The following SH2B1 variants were observed in gnomAD, a reference collection of about 807,000 sequenced individuals.
SH2B1 encodes the protein SH2B adapter protein 1.
In SH2B1, 15 loss-of-function variants were observed where a neutral mutation model predicts 62.6. The observed-to-expected ratio is 0.24, with a 90% confidence interval of 0.16 to 0.37. The LOEUF (loss-of-function observed/expected upper bound fraction) is 0.37. Among genes scored for constraint, SH2B1 ranks in the 10% least tolerant of loss-of-function variants. The pLI is 1.00. For missense variants in SH2B1, 925 were observed against 1,015.6 expected (o/e 0.91, Z 1.21); for synonymous variants, 443 against 438.0 (o/e 1.01, Z -0.14).
rs374398151 is a variant in SH2B1, at chr16:28,851,368, T to C, written c.-301+4541T>C. ...TTTACTATGTCCTCTGTCAACACTG[T>C]GGTTCAATTGGGATCATCTCTCATC... is the stretch of plus-strand genomic sequence containing the variant. On this transcript the variant is annotated intron_variant, in intron 1 of 10. Coordinates refer to the SH2B1 transcript ENST00000322610. Among the ~76,000 whole-genome samples the C allele has an allele frequency of 2.1e-4, 32 of 151,954 alleles. No homozygotes were observed. In the South Asian group the frequency reaches 6.0e-3, roughly 29 times the overall value.
intron 4 of SH2B1, among the ~76,000 whole-genome samples, chr16:28,871,260 C>T (rs1395298519): frequency 3.3e-5 from 5 of 152,162 alleles, no homozygotes; most frequent in Non-Finnish European, 5.9e-5. Context: ...TCAAGTGATC[C>T]TCCTGCCTCA....
Position 28,866,992 on chromosome 16 carries a change from G to A in SH2B1, c.898G>A (p.Gly300Arg). 2 of 1,602,782 alleles carry A rather than the reference G, an allele frequency of 1.2e-6. No individual in the cohort carries two copies. Among genetic ancestry groups the A allele is most frequent in the East Asian group, 2.2e-5 (1 of 44,868 alleles). The change falls in exon 1 of 8, where the codon GGA becomes AGA. Residue 300 changes from glycine (G) to arginine (R), a missense_variant. Around this residue, in one of 3 missense-constraint regions of SH2B1, gnomAD observed 683 missense variants for 704.0 expected, o/e 0.97. Coordinates refer to ENST00000684370, the MANE Select transcript of SH2B1 (RefSeq NM_001387430.1). The surrounding 1 kb of genome is among the most constrained non-coding windows in gnomAD (Gnocchi z 6.3). ...CCTGCTGCTTCGAAGTGAAGGAGAA[G>A]GAGGAGGAGGAAGTCGCCTGGAGTT... The part of the protein sequence containing the change: ...CRLLLRSEGE[G>R]GGGSRLEFFV...
intron 2 of SH2B1, among the ~76,000 whole-genome samples, chr16:28,868,431 C>T (rs1395597982): frequency 3.3e-5 from 5 of 151,330 alleles, no homozygotes; most frequent in Non-Finnish European, 4.4e-5. Context: ...TGAGCCACTG[C>T]GCCTGGCCTA....
Position 28,864,151 on chromosome 16 carries a change from G to T in SH2B1, c.-1944G>T, listed in dbSNP as rs1962555803. 8 of 1,168,648 alleles carry T rather than the reference G, an allele frequency of 6.8e-6. No individual in the cohort carries two copies. Among genetic ancestry groups the T allele is most frequent in the Non-Finnish European group, 8.5e-6 (8 of 940,126 alleles). The allele number at this position is 1,168,648 out of a possible 1,614,324, so 72.4% of individuals were successfully genotyped here. A position where few individuals can be genotyped will look rare whatever the true frequency, so the allele number is the denominator to read the frequency against. On this transcript the variant is annotated 5_prime_UTR_variant, in exon 1 of 8. Transcript: ENST00000684370. Reference sequence around the variant, plus strand: ...TGGGCGGCTGGGGGGTGTCCAGGGAGTAGGGTCGGATCGGAGTATATGGAC... The same window carrying T: ...TGGGCGGCTGGGGGGTGTCCAGGGATTAGGGTCGGATCGGAGTATATGGAC...
intron 2 of SH2B1, among the ~76,000 whole-genome samples, chr16:28,867,647 G>GT (rs912259310): frequency 6.6e-6 from 1 of 152,204 alleles, no homozygotes; most frequent in Non-Finnish European, 1.5e-5. Flanking sequence ...GAACTGTGGA[G>GT]TTTTTGTTGT....
At chr16:28,853,931 G>A (rs2152159895) in intron 1 of SH2B1, among the ~76,000 whole-genome samples, 1 of 147,376 alleles carries the variant, frequency 6.8e-6, no homozygotes, top group Non-Finnish European at 1.5e-5. Flanking sequence ...AAACCCGGGA[G>A]GTGGAGCTTG....
intron 1 of SH2B1, among the ~76,000 whole-genome samples, chr16:28,857,194 G>T (rs1263722313): frequency 6.6e-6 from 1 of 151,764 alleles, no homozygotes; most frequent in Non-Finnish European, 1.5e-5. Flanking sequence ...AAGGCAGGAG[G>T]ATTGCTTGAA....
chr16:28,868,689 C>G (rs1278083509), intron 2 of SH2B1, among the ~76,000 whole-genome samples: 2 of 152,142 alleles, frequency 1.3e-5, no homozygotes. Context: ...AACTCTTGAC[C>G]TTGTGATCCA....
chr16:28,865,905 C>T lies in SH2B1; in HGVS notation c.-190C>T, dbSNP rs1039236396. 78 of 1,400,070 alleles carry T rather than the reference C, an allele frequency of 5.6e-5. No homozygotes were observed. The highest frequency in any genetic ancestry group is 6.8e-5 in the Non-Finnish European group (74 of 1,082,832). The allele number at this position is 1,400,070 out of a possible 1,614,324, so 86.7% of individuals were successfully genotyped here. A position where few individuals can be genotyped will look rare whatever the true frequency, so the allele number is the denominator to read the frequency against. ...GTTGGGCTCCCTTCCCCATTGCTCT[C>T]TGCGGAGTCTGAAGTAGGGTCGGAC... is the stretch of plus-strand genomic sequence containing the variant. On this transcript the variant is annotated 5_prime_UTR_variant, in exon 1 of 8. Coordinates refer to ENST00000684370, the MANE Select transcript of SH2B1 (RefSeq NM_001387430.1).
At chr16:28,848,432 C>T (rs1013132532) in intron 1 of SH2B1, among the ~76,000 whole-genome samples, 1 of 151,512 alleles carries the variant, frequency 6.6e-6, no homozygotes, top group Non-Finnish European at 1.5e-5. Flanking sequence ...AGCGAGACTC[C>T]GTCTCCAAAA....
At position 28,873,457 on chromosome 16, in the gene SH2B1, C is replaced by T; in HGVS notation, c.1908C>T (p.Thr636=). 6.4e-7 allele frequency: 1 copy of T among 1,565,550 alleles called. No homozygotes were observed. Among genetic ancestry groups the T allele is most frequent in the South Asian group, 1.2e-5 (1 of 85,418 alleles). The change falls in exon 8 of 8, where the codon ACC becomes ACT. Residue 636 remains threonine, a synonymous_variant. Coordinates refer to ENST00000684370, the MANE Select transcript of SH2B1 (RefSeq NM_001387430.1). The surrounding 1 kb of genome is among the most constrained non-coding windows in gnomAD (Gnocchi z 4.2). ...ACCATTCCTATCCAGAACCGACCACCTCCCATGACCCACCCCAGCCCCCTG... is the reference window on the plus strand; with the variant it reads ...ACCATTCCTATCCAGAACCGACCACTTCCCATGACCCACCCCAGCCCCCTG... ...PSSQRQQEPT[T]SHDPPQPPEP...
intron 1 of SH2B1, among the ~76,000 whole-genome samples, chr16:28,851,357 T>C (rs1341682450): frequency 1.3e-5 from 2 of 151,948 alleles, no homozygotes; most frequent in Non-Finnish European, 2.9e-5. Context: ...CTATGTCCTC[T>C]GTCAACACTG....
At chr16:28,861,164 G>A (rs991456964), upstream of SH2B1, among the ~76,000 whole-genome samples, 2 of 152,040 alleles carry the variant, frequency 1.3e-5, no homozygotes, top group Non-Finnish European at 2.9e-5. Flanking sequence ...ATGGAGTCTC[G>A]CTCTGTTGCC....
At chr16:28,870,994 CGTGTGTGTGTGTGTGTGTGTGTGT>C (rs35079060) in intron 4 of SH2B1, among the ~76,000 whole-genome samples, 2 of 141,424 alleles carry the variant, frequency 1.4e-5, no homozygotes. Flanking sequence ...GCCAGAATTC[CGTGTGTGTGTGTGTGTGTGTGTGT>C]GTGTGTGTGT....
intron 1 of SH2B1, among the ~76,000 whole-genome samples, chr16:28,853,816 G>A (rs1243424183): frequency 6.6e-6 from 1 of 151,036 alleles, no homozygotes; most frequent in Non-Finnish European, 1.5e-5. Flanking sequence ...TGGCTAACAC[G>A]GTGAAACCCC....
At position 28,866,043 on chromosome 16, in the gene SH2B1, C is replaced by T; in HGVS notation, c.-52C>T. ...CCGCCCACCCCTCGTCTTCTGGCTG[C>T]CTCCCTCTTTGTGCCCCACAGGCTC... On this transcript the variant is annotated 5_prime_UTR_variant, in exon 1 of 8. Transcript: ENST00000684370. The surrounding 1 kb of genome is among the most constrained non-coding windows in gnomAD (Gnocchi z 6.3). 5 of 1,504,838 alleles carry T rather than the reference C, an allele frequency of 3.3e-6. No individual in the cohort carries two copies. Among genetic ancestry groups the T allele is most frequent in the Middle Eastern group, 5.0e-4 (2 of 3,984 alleles). The allele number at this position is 1,504,838 out of a possible 1,614,324, so 93.2% of individuals were successfully genotyped here. A position where few individuals can be genotyped will look rare whatever the true frequency, so the allele number is the denominator to read the frequency against.
chr16:28,867,385 A>G lies in SH2B1; in HGVS notation c.994A>G (p.Thr332Ala). ...CTCTTCTATCACAGACGTCCGGACAACCACAGCCCTGGAGATGCCTGACCG... is the reference window on the plus strand; with the variant it reads ...CTCTTCTATCACAGACGTCCGGACAGCCACAGCCCTGGAGATGCCTGACCG... ...PCSSITDVRTTTALEMPDREN... is the reference protein window; with the variant it reads ...PCSSITDVRTATALEMPDREN... Residue 332 changes from threonine (T) to alanine (A), a missense_variant, in exon 2 of 8, where the codon ACC becomes GCC. Thr to Ala is a moderately conservative substitution (Grantham distance 58). Coordinates refer to ENST00000684370, the MANE Select transcript of SH2B1 (RefSeq NM_001387430.1). 6.2e-7 allele frequency: 1 copy of G among 1,614,188 alleles called. No individual in the cohort carries two copies. The highest frequency in any genetic ancestry group is 2.2e-5 in the East Asian group (1 of 44,886).
intron 1 of SH2B1, 146 bp from the exon 2 acceptor site, chr16:28,867,182 TAGC>T (rs1419086343): frequency 7.8e-7 from 1 of 1,289,616 alleles, no homozygotes; most frequent in Non-Finnish European, 1.1e-6. Context: ...GGCTCTGTGT[TAGC>T]AGCTGCGGGC....
At chr16:28,852,742 ATATT>A (rs1471433216) in intron 1 of SH2B1, among the ~76,000 whole-genome samples, 3 of 56,896 alleles carry the variant, frequency 5.3e-5, no homozygotes, top group Non-Finnish European at 9.1e-5. Context: ...ATACATATAT[ATATT>A]TACATATATA....
Sources: gnomAD v4.1 joint callset for allele counts (sites outside exome capture counted in the v4.1 genomes callset) on GRCh38, gnomAD v4.1.1 for gene constraint, gnomAD v4.1.1 regional missense constraint, Gnocchi (gnomAD v3.1) non-coding constraint, MANE v1.5 for transcripts, NCBI Gene and HGNC (gene_info 2026-07-23, HGNC 2026-07-21) for gene names.